The following HDAC8 variants were observed in gnomAD, a reference collection of about 807,000 sequenced individuals.
HDAC8 encodes histone deacetylase 8.
In HDAC8, 1 loss-of-function variant was observed where a neutral mutation model predicts 32.2. That is an observed-to-expected ratio of 0.03 (90% CI 0.01 to 0.15). HDAC8 has a LOEUF of 0.15. Among genes scored for constraint, HDAC8 ranks in the 10% least tolerant of loss-of-function variants. The pLI is 1.00. For missense variants in HDAC8, 117 were observed against 300.0 expected, an observed-to-expected ratio of 0.39 and a Z score of 4.51; for synonymous variants, 108 against 113.9, an observed-to-expected ratio of 0.95 and a Z score of 0.33.
At chrX:72,480,516 T>C (rs782552066) in intron 7 of HDAC8, 3 of 290,898 alleles carry the variant, frequency 1.0e-5, no homozygotes, top group South Asian at 3.2e-5. Context: ...CTCAAGGATC[T>C]ACCAGAAATA....
intron 4 of HDAC8, among the ~76,000 whole-genome samples, chrX:72,498,945 C>T (rs1376570854): frequency 9.0e-6 from 1 of 111,100 alleles, no homozygotes; most frequent in Non-Finnish European, 1.9e-5. Context: ...TGTGATCTCA[C>T]AGTAATGAGT....
At chrX:72,540,966 G>A (rs1477724556) in intron 4 of HDAC8, among the ~76,000 whole-genome samples, 1 of 111,500 alleles carries the variant, frequency 9.0e-6, no homozygotes, top group Admixed American at 9.6e-5. Context: ...TATGTGCCAG[G>A]TAGAGTTCTA....
intron 9 of HDAC8, among the ~76,000 whole-genome samples, chrX:72,445,182 C>T (rs1162999283): frequency 3.6e-5 from 4 of 110,569 alleles, no homozygotes; most frequent in African/African-American, 1.3e-4. Flanking sequence ...GAAAAAACTA[C>T]TTTAAAGTTC....
intron 9 of HDAC8, among the ~76,000 whole-genome samples, chrX:72,408,437 C>T (rs782137562): frequency 2.1e-4 from 23 of 110,756 alleles, no homozygotes; most frequent in Non-Finnish European, 3.4e-4. Context: ...GAGGAAGTCT[C>T]GTTCTGTCGC....
At chrX:72,559,961 C>T (rs1463493321) in intron 4 of HDAC8, among the ~76,000 whole-genome samples, 2 of 108,240 alleles carry the variant, frequency 1.8e-5, no homozygotes, top group Admixed American at 9.7e-5. Context: ...AGCCCCCGCC[C>T]GGCCGCTGCC....
chrX:72,424,331 C>A (rs2046571183), intron 9 of HDAC8, among the ~76,000 whole-genome samples: 1 of 111,152 alleles, frequency 9.0e-6, no homozygotes, highest in Non-Finnish European at 1.9e-5. Flanking sequence ...AACCAGTGGG[C>A]CCTGTCAGTC....
chrX:72,455,837 A>G (rs1384302233), intron 9 of HDAC8, among the ~76,000 whole-genome samples: 1 of 112,047 alleles, frequency 8.9e-6, no homozygotes, highest in Non-Finnish European at 1.9e-5. Context: ...ACCAATATGT[A>G]TAAGATGGGT....
intron 10 of HDAC8, among the ~76,000 whole-genome samples, chrX:72,343,717 G>A (rs1035568272): frequency 7.2e-5 from 8 of 111,754 alleles, no homozygotes; most frequent in Non-Finnish European, 1.1e-4. Context: ...TGTTGTCCAG[G>A]CTGGTCTCAA....
At chrX:72,442,446 G>A (rs1202885344) in intron 9 of HDAC8, among the ~76,000 whole-genome samples, 2 of 111,447 alleles carry the variant, frequency 1.8e-5, no homozygotes, top group Non-Finnish European at 3.8e-5. Flanking sequence ...AGCTTCATAA[G>A]TGAAGGAGAA....
intron 4 of HDAC8, among the ~76,000 whole-genome samples, chrX:72,504,448 T>G (rs2049321845): frequency 8.9e-6 from 1 of 111,897 alleles, no homozygotes; most frequent in Admixed American, 9.5e-5. Flanking sequence ...ATGTCTGGCT[T>G]CTTTCACTTA....
chrX:72,333,726 C>T (rs938576871), intron 10 of HDAC8, among the ~76,000 whole-genome samples: 3 of 109,168 alleles, frequency 2.7e-5, no homozygotes, highest in African/African-American at 6.7e-5. Flanking sequence ...TAGCAGTTCC[C>T]GACCTACCAC....
At chrX:72,449,220 A>G (rs1424627358) in intron 9 of HDAC8, among the ~76,000 whole-genome samples, 1 of 111,972 alleles carries the variant, frequency 8.9e-6, no homozygotes, top group African/African-American at 3.3e-5. Context: ...AAAATGTGGC[A>G]CATATACCCC....
At chrX:72,523,139 T>C (rs1190426389) in intron 4 of HDAC8, among the ~76,000 whole-genome samples, 3 of 112,272 alleles carry the variant, frequency 2.7e-5, no homozygotes, top group Non-Finnish European at 5.6e-5. Flanking sequence ...AAAATTGCTG[T>C]CTCACAGAAT....
chrX:72,507,932 T>C (rs2049445812), intron 4 of HDAC8, among the ~76,000 whole-genome samples: 1 of 111,981 alleles, frequency 8.9e-6, no homozygotes, highest in Non-Finnish European at 1.9e-5. Context: ...TTTACTTGTG[T>C]GCATTTGCCA....
intron 5 of HDAC8, among the ~76,000 whole-genome samples, chrX:72,493,284 A>C (rs1420120296): frequency 9.0e-6 from 1 of 111,578 alleles, no homozygotes; most frequent in Non-Finnish European, 1.9e-5. Flanking sequence ...TAAGGGTGGA[A>C]AGATGAGGTG....
At chrX:72,492,924 C>A in intron 5 of HDAC8, among the ~76,000 whole-genome samples, 1 of 111,605 alleles carries the variant, frequency 9.0e-6, no homozygotes, top group Non-Finnish European at 1.9e-5. Flanking sequence ...CTTATAGTTT[C>A]TATGGGAAGA....
chrX:72,510,894 G>C (rs1434184672), intron 4 of HDAC8, among the ~76,000 whole-genome samples: 1 of 111,779 alleles, frequency 8.9e-6, no homozygotes, highest in Admixed American at 9.5e-5. Context: ...ACTTGGCTAT[G>C]AATTTTTCTT....
chrX:72,474,795 A>G (rs2048285966), intron 7 of HDAC8: 1 of 677,738 alleles, frequency 1.5e-6, no homozygotes, highest in South Asian at 2.6e-5. Flanking sequence ...AAGCCCAAGA[A>G]CAAAATCGTA....
intron 9 of HDAC8, among the ~76,000 whole-genome samples, chrX:72,365,058 T>G (rs1399851321): frequency 1.8e-5 from 2 of 112,231 alleles, no homozygotes; most frequent in African/African-American, 6.5e-5. Flanking sequence ...ATATCCCTTT[T>G]CCGAAATACT....
Sources: gnomAD v4.1 joint callset for allele counts (sites outside exome capture counted in the v4.1 genomes callset) on GRCh38, gnomAD v4.1.1 for gene constraint, MANE v1.5 for transcripts, NCBI Gene and HGNC (gene_info 2026-07-23, HGNC 2026-07-21) for gene names.